Variants in CDC20B observed in about 807,000 individuals in gnomAD.
The protein encoded by CDC20B is cell division cycle protein 20 homolog B.
In CDC20B, 58 loss-of-function variants were observed where a neutral mutation model predicts 64.1. The ratio of observed to expected loss-of-function variants is 0.90; its 90% CI spans 0.73 to 1.13. The LOEUF is 1.13. CDC20B is among the 50% of genes most tolerant of loss of function. CDC20B has a pLI of 0.00. For missense variants in CDC20B, 597 were observed against 633.0 expected (o/e 0.94, Z 0.61); for synonymous variants, 243 against 230.6 (o/e 1.05, Z -0.49).
At chr5:55,117,699 T>C (rs1298749981) in intron 11 of CDC20B, among the ~76,000 whole-genome samples, 1 of 152,126 alleles carries the variant, frequency 6.6e-6, no homozygotes, top group African/African-American at 2.4e-5. Flanking sequence ...ATGGAACAAG[T>C]ACTTCAAGAT....
At chr5:55,141,089 T>C (rs144841149) in intron 4 of CDC20B, among the ~76,000 whole-genome samples, 7 of 152,264 alleles carry the variant, frequency 4.6e-5, no homozygotes, top group African/African-American at 1.7e-4. Context: ...CATGTTGAGG[T>C]CTGGAGGGAG....
chr5:55,146,527 C>T, intron 3 of CDC20B, 101 bp downstream of exon 3: 1 of 767,796 alleles, frequency 1.3e-6, no homozygotes, highest in Non-Finnish European at 2.1e-6. Flanking sequence ...AAAGAGTTGA[C>T]TCAAAGTGAC....
At chr5:55,157,648 T>A (rs537337658) in intron 2 of CDC20B, among the ~76,000 whole-genome samples, 1 of 152,254 alleles carries the variant, frequency 6.6e-6, no homozygotes, top group Non-Finnish European at 1.5e-5. Flanking sequence ...GTGTAAAAAC[T>A]GGCTTATTCA....
At chr5:55,117,991 C>T (rs529569774) in intron 11 of CDC20B, among the ~76,000 whole-genome samples, 3 of 152,058 alleles carry the variant, frequency 2.0e-5, no homozygotes, top group African/African-American at 4.8e-5. Flanking sequence ...TGGTAGTTGG[C>T]GCCTGTAGTC....
At chr5:55,146,479 C>T in intron 3 of CDC20B, 149 bp downstream of exon 3, 1 of 608,900 alleles carries the variant, frequency 1.6e-6, no homozygotes, top group Non-Finnish European at 2.9e-6. Flanking sequence ...CATTTCTCCC[C>T]ACCTTGGAAA....
chr5:55,117,608 T>A (rs116508854), intron 11 of CDC20B, among the ~76,000 whole-genome samples: 33 of 152,104 alleles, frequency 2.2e-4, no homozygotes, highest in Non-Finnish European at 4.6e-4. Context: ...TGACCCACAA[T>A]GGAAACACAG....
In CDC20B at chr5:55,124,692, T is replaced by C; in HGVS notation, c.1215+111A>G. On this transcript the variant is annotated intron_variant, in intron 9 of 11. Transcript: ENST00000381375. ...TGATGACAAACTCCAAAGCAAATTC[T>C]AGAGAAAGAAAAATCTCAAAATATT... The C allele has an allele frequency of 1.8e-5, 17 of 952,096 alleles. 1 individual carries two copies. In the South Asian group the frequency reaches 2.5e-4, roughly 14 times the overall value. 59.0% of individuals were successfully genotyped at this position (952,096 alleles called of 1,614,324 possible). A position where few individuals can be genotyped will look rare whatever the true frequency, so the allele number is the denominator to read the frequency against.
chr5:55,151,289 T>G (rs1743661909), intron 2 of CDC20B, among the ~76,000 whole-genome samples: 1 of 152,200 alleles, frequency 6.6e-6, no homozygotes, highest in Non-Finnish European at 1.5e-5. Flanking sequence ...GATTCTAATT[T>G]TTCAAAAAGA....
intron 2 of CDC20B, 71 bp from the exon 3 acceptor site, chr5:55,146,927 G>T: frequency 9.3e-7 from 1 of 1,075,332 alleles, no homozygotes; most frequent in Non-Finnish European, 1.4e-6. Flanking sequence ...CCCTATAAGA[G>T]AATTACAAAT....
In CDC20B at chr5:55,120,993, A is replaced by G. The variant is rs974999957; in HGVS notation, c.1216-443T>C. 5.9e-5 allele frequency among the ~76,000 whole-genome samples: 9 copies of G among 152,206 alleles called. No homozygotes were observed. In the East Asian group the frequency reaches 1.7e-3, roughly 29 times the overall value. On this transcript the variant is annotated intron_variant, in intron 9 of 11. Transcript: ENST00000381375. ...GTCAGATAAGAGAAAAGAGAACTAT[A>G]TGTGATTGCTCACAACTCAACAGTC...
chr5:55,155,768 C>T (rs1743790276), intron 2 of CDC20B, among the ~76,000 whole-genome samples: 1 of 152,120 alleles, frequency 6.6e-6, no homozygotes, highest in Admixed American at 6.6e-5. Flanking sequence ...TTCCATCATG[C>T]TGGCCAAGGC....
intron 6 of CDC20B, among the ~76,000 whole-genome samples, chr5:55,129,127 T>G (rs565333792): frequency 2.6e-5 from 4 of 152,264 alleles, no homozygotes; most frequent in African/African-American, 9.6e-5. Context: ...AGAGAAAACA[T>G]ATTTGTATGA....
intron 2 of CDC20B, among the ~76,000 whole-genome samples, chr5:55,148,908 T>C (rs934699430): frequency 3.3e-5 from 5 of 152,148 alleles, no homozygotes; most frequent in African/African-American, 1.2e-4. Context: ...AAGTGAATTG[T>C]CCAAGACTAC....
At chr5:55,147,811 G>C (rs1743540342) in intron 2 of CDC20B, among the ~76,000 whole-genome samples, 1 of 152,066 alleles carries the variant, frequency 6.6e-6, no homozygotes, top group Admixed American at 6.6e-5. Flanking sequence ...CAAGATGTTT[G>C]TATGAAATGA....
At chr5:55,128,340 A>T in intron 7 of CDC20B, 81 bp downstream of exon 7, 1 of 1,115,116 alleles carries the variant, frequency 9.0e-7, no homozygotes, top group Non-Finnish European at 1.3e-6. Context: ...TCTCTATTTT[A>T]CATTAACTTG....
chr5:55,161,024 T>C, intron 2 of CDC20B: 1 of 1,613,976 alleles, frequency 6.2e-7, no homozygotes, highest in East Asian at 2.2e-5. Flanking sequence ...GGCCAGTGAC[T>C]GCCAACTCAC....
chr5:55,168,486 TA>T (rs1368438707), intron 2 of CDC20B, among the ~76,000 whole-genome samples: 1 of 152,128 alleles, frequency 6.6e-6, no homozygotes, highest in Non-Finnish European at 1.5e-5. Context: ...TTTTCTCTTT[TA>T]ATTTGTATCT....
intron 9 of CDC20B, 113 bp from the exon 10 acceptor site, chr5:55,120,663 T>C: frequency 7.9e-7 from 1 of 1,270,606 alleles, no homozygotes; most frequent in Non-Finnish European, 1.1e-6. Flanking sequence ...GTCACAGCTC[T>C]CCTGGGCCTG....
At chr5:55,153,002 G>A (rs1198370365) in intron 2 of CDC20B, among the ~76,000 whole-genome samples, 2 of 152,026 alleles carry the variant, frequency 1.3e-5, no homozygotes, top group African/African-American at 2.4e-5. Flanking sequence ...ACTTGGGGAG[G>A]CCAAGGCAGG....
Sources: gnomAD v4.1 joint callset for allele counts (sites outside exome capture counted in the v4.1 genomes callset) on GRCh38, gnomAD v4.1.1 for gene constraint, MANE v1.5 for transcripts, NCBI Gene and HGNC (gene_info 2026-07-23, HGNC 2026-07-21) for gene names.